Variants in DPP9 observed in about 807,000 individuals in gnomAD.
The protein encoded by DPP9 is dipeptidyl peptidase IV-related protein-2.
Under a neutral mutation model 110.7 loss-of-function variants are expected in DPP9, and 50 were observed. That is an observed-to-expected ratio of 0.45 (90% confidence interval 0.36 to 0.57). The LOEUF (loss-of-function observed/expected upper bound fraction) is 0.57. Among genes scored for constraint, DPP9 ranks in the 20% least tolerant of loss-of-function variants. The pLI, the probability that DPP9 is intolerant of heterozygous loss-of-function variation, is 0.00. For synonymous variants in DPP9, 561 were observed against 514.4 expected (o/e 1.09, Z -1.23); for missense variants, 1,022 against 1,217.9 (o/e 0.84, Z 2.39).
intron 8 of DPP9, 107 bp from the exon 9 acceptor site, chr19:4,702,262 G>T: frequency 7.0e-7 from 1 of 1,420,758 alleles, no homozygotes; most frequent in Non-Finnish European, 9.4e-7. Flanking sequence ...GGCACCGAGG[G>T]CTCTGAAACC....
intron 21 of DPP9, among the ~76,000 whole-genome samples, chr19:4,679,041 A>G (rs1441276900): frequency 1.6e-5 from 2 of 127,366 alleles, no homozygotes; most frequent in East Asian, 2.3e-4. Flanking sequence ...ACCCCTCTAT[A>G]GCAGAAGCTC....
Position 4,689,957 on chromosome 19 carries a change from C to T in DPP9, c.1597-235G>A, listed in dbSNP as rs1360634300. ...GGGAACTGCGTGTCCTCAGGCGGGA[C>T]CTGGGGCCTGCATTCCACCCCCAGA... On this transcript the variant is annotated intron_variant, in intron 14 of 21. Transcript: ENST00000262960. This position sits in a 1 kb window ranked among gnomAD's most constrained non-coding sequence, Gnocchi z 7.0. Among the ~76,000 whole-genome samples the T allele has an allele frequency of 5.3e-5, 8 of 152,212 alleles. No individual in the cohort carries two copies. The highest frequency in any genetic ancestry group is 1.2e-4 in the Non-Finnish European group (8 of 68,030).
At position 4,695,702 on chromosome 19, in the gene DPP9, C is replaced by G; in HGVS notation, c.1176-147G>C. On this transcript the variant is annotated intron_variant, in intron 11 of 21. Coordinates refer to ENST00000262960, the MANE Select transcript of DPP9 (RefSeq NM_139159.5). This position sits in a 1 kb window ranked among gnomAD's most constrained non-coding sequence, Gnocchi z 4.7. ...CTTCACCTGCACTTGGCCAAGTAACCCTGCAGCACCCACAGGCTTCCTTCC... is the reference window on the plus strand; with the variant it reads ...CTTCACCTGCACTTGGCCAAGTAACGCTGCAGCACCCACAGGCTTCCTTCC... The G allele has an allele frequency of 1.7e-6, 1 of 575,810 alleles. No individual in the cohort carries two copies. Among genetic ancestry groups the G allele is most frequent in the Middle Eastern group, 4.8e-4 (1 of 2,094 alleles). 35.7% of individuals were successfully genotyped at this position (575,810 alleles called of 1,614,324 possible).
intron 9 of DPP9, among the ~76,000 whole-genome samples, chr19:4,701,540 A>G (rs2092258497): frequency 6.6e-6 from 1 of 152,244 alleles, no homozygotes; most frequent in Non-Finnish European, 1.5e-5. Flanking sequence ...CTGTTTTTGT[A>G]TGGCTGAAAA....
chr19:4,700,077 G>A lies in DPP9; in HGVS notation c.1074+139C>T, dbSNP rs540768850. 222 of 561,786 alleles carry A rather than the reference G, an allele frequency of 4.0e-4. 4 individuals are homozygous for A. The South Asian group carries it at 6.3e-3, about 16-fold the overall frequency. 34.8% of individuals were successfully genotyped at this position (561,786 alleles called of 1,614,324 possible). ...GACACACAGGGAAGGCCTGTGGCTA[G>A]GCGGACCGGGCGGCAGGGCTGGGGC... On this transcript the variant is annotated intron_variant, in intron 10 of 21. Coordinates refer to ENST00000262960, the MANE Select transcript of DPP9 (RefSeq NM_139159.5). The surrounding 1 kb of genome is among the most constrained non-coding windows in gnomAD (Gnocchi z 4.3).
chr19:4,696,670 A>T (rs1415697722), intron 11 of DPP9, among the ~76,000 whole-genome samples: 1 of 151,474 alleles, frequency 6.6e-6, no homozygotes, highest in African/African-American at 2.4e-5. Flanking sequence ...AATTGCTTGA[A>T]CCTGGGAGTC....
chr19:4,715,097 G>A (rs552533294), intron 3 of DPP9, among the ~76,000 whole-genome samples: 93 of 122,348 alleles, frequency 7.6e-4, no homozygotes, highest in African/African-American at 2.9e-3. Context: ...TCAGATCACT[G>A]CAGCCTCTGC....
intron 2 of DPP9, among the ~76,000 whole-genome samples, chr19:4,721,855 C>T (rs1410866321): frequency 1.3e-5 from 2 of 152,250 alleles, no homozygotes; most frequent in Non-Finnish European, 2.9e-5. Flanking sequence ...AAAGTCACCA[C>T]GAAAAATCAC....
Position 4,688,760 on chromosome 19 carries a change from C to G in DPP9, c.1882G>C (p.Ala628Pro). 6.9e-7 allele frequency: 1 copy of G among 1,443,404 alleles called. No homozygotes were observed. 89.4% of individuals were successfully genotyped at this position (1,443,404 alleles called of 1,614,324 possible). A position where few individuals can be genotyped will look rare whatever the true frequency, so the allele number is the denominator to read the frequency against. Residue 628 changes from alanine to proline, a missense_variant, in exon 16 of 22, where the codon GCC becomes CCC. Around this residue, in one of 3 missense-constraint regions of DPP9, gnomAD observed 810 missense variants for 920.6 expected, o/e 0.88. Transcript: ENST00000262960. Reference protein sequence around the residue: ...PRFWASMMEAASCPPDYVPPE... With the variant: ...PRFWASMMEAPSCPPDYVPPE... ...GGGCGGGGCAGGGGCTACTCACTGG[C>G]TGCCTCCATCATGCTAGCCCAGAAG...
In DPP9 at chr19:4,689,774, A is replaced by G; in HGVS notation, c.1597-52T>C. The G allele has an allele frequency of 6.6e-7, 1 of 1,509,248 alleles. No individual in the cohort carries two copies. The highest frequency in any genetic ancestry group is 8.9e-7 in the Non-Finnish European group (1 of 1,121,514). The allele number at this position is 1,509,248 out of a possible 1,614,324, so 93.5% of individuals were successfully genotyped here. A position where few individuals can be genotyped will look rare whatever the true frequency, so the allele number is the denominator to read the frequency against. ...ATGCGTCCCAGATGCCCCTGGGCCCACACCCCTCTCCACGCCCCACAGGAG... is the reference window on the plus strand; with the variant it reads ...ATGCGTCCCAGATGCCCCTGGGCCCGCACCCCTCTCCACGCCCCACAGGAG... On this transcript the variant is annotated intron_variant, in intron 14 of 21. Transcript: ENST00000262960. The surrounding 1 kb of genome is among the most constrained non-coding windows in gnomAD (Gnocchi z 7.0).
chr19:4,688,970 G>A, intron 15 of DPP9, 78 bp from the exon 16 acceptor site: 2 of 1,456,170 alleles, frequency 1.4e-6, no homozygotes, highest in South Asian at 1.4e-5. Context: ...CAGATCCAGG[G>A]TAGCTTCCCT....
chr19:4,701,990 T>C, intron 9 of DPP9, 37 bp downstream of exon 9: 1 of 1,600,992 alleles, frequency 6.2e-7, no homozygotes, highest in South Asian at 1.1e-5. Context: ...GGGCCTCAGA[T>C]CCCCGGCCCA....
chr19:4,711,726 T>C (rs765369241), intron 4 of DPP9, among the ~76,000 whole-genome samples: 1 of 137,202 alleles, frequency 7.3e-6, no homozygotes, highest in Non-Finnish European at 1.5e-5. Context: ...TGAGCCAAGA[T>C]TGCGCCATTG....
chr19:4,700,502 C>T lies in DPP9; in HGVS notation c.1013-225G>A, dbSNP rs763254050. On this transcript the variant is annotated intron_variant, in intron 9 of 21. Coordinates refer to ENST00000262960, the MANE Select transcript of DPP9 (RefSeq NM_139159.5). This position sits in a 1 kb window ranked among gnomAD's most constrained non-coding sequence, Gnocchi z 4.3. ...GGACCTTCTGACTTTGGGCCTGGATCGCATTCCCAACAGTGATGTGGCATC... is the reference window on the plus strand; with the variant it reads ...GGACCTTCTGACTTTGGGCCTGGATTGCATTCCCAACAGTGATGTGGCATC... Among the ~76,000 whole-genome samples the T allele has an allele frequency of 1.1e-4, 17 of 152,196 alleles. No individual in the cohort carries two copies. Among genetic ancestry groups the T allele is most frequent in the Admixed American group, 5.9e-4 (9 of 15,284 alleles).
Position 4,684,470 on chromosome 19 carries a change from G to A in DPP9, c.2178+193C>T. ...CTTGTCTCTGTCCCTGCAGGGCGCA[G>A]CCCAGAGCTGAGCAGCAAAGCATAC... On this transcript the variant is annotated intron_variant, in intron 18 of 21. Transcript: ENST00000262960. This position sits in a 1 kb window ranked among gnomAD's most constrained non-coding sequence, Gnocchi z 4.8. 1.5e-6 allele frequency: 1 copy of A among 649,260 alleles called. No individual in the cohort carries two copies. 40.2% of individuals were successfully genotyped at this position (649,260 alleles called of 1,614,324 possible).
At position 4,679,901 on chromosome 19, in the gene DPP9, C is replaced by T. The variant is rs530982615; in HGVS notation, c.2520G>A (p.Val840=). The T allele has an allele frequency of 5.6e-6, 9 of 1,613,478 alleles. No homozygotes were observed. The Admixed American group carries it at 1.3e-4, about 24-fold the overall frequency. Residue 840 remains valine (V), a synonymous_variant, in exon 21 of 22, where the codon GTG becomes GTA. Transcript: ENST00000262960. The part of the protein sequence containing the change: ...LILHGFLDEN[V]HFFHTNFLVS... ...CGAGGAAGTTTGTGTGGAAAAAGTG[C>T]ACGTTTTCGTCCAGGAAGCCGTGGA...
chr19:4,689,439 G>C lies in DPP9; in HGVS notation c.1749+131C>G. ...CAGGAGGCAGGGGTGGGCACTGCCTGCCCCAAGGCAGCTATGAGAATGCGA... is the reference window on the plus strand; with the variant it reads ...CAGGAGGCAGGGGTGGGCACTGCCTCCCCCAAGGCAGCTATGAGAATGCGA... On this transcript the variant is annotated intron_variant, in intron 15 of 21. Transcript: ENST00000262960. This position sits in a 1 kb window ranked among gnomAD's most constrained non-coding sequence, Gnocchi z 7.0. The C allele has an allele frequency of 1.6e-6, 2 of 1,242,134 alleles. No individual in the cohort carries two copies. Among genetic ancestry groups the C allele is most frequent in the Non-Finnish European group, 1.1e-6 (1 of 912,550 alleles). The allele number at this position is 1,242,134 out of a possible 1,614,324, so 76.9% of individuals were successfully genotyped here.
chr19:4,680,995 T>C (rs1260119742), intron 20 of DPP9, among the ~76,000 whole-genome samples: 1 of 152,178 alleles, frequency 6.6e-6, no homozygotes. Flanking sequence ...TGCTGCTGTC[T>C]GTGGTCTGGA....
At chr19:4,716,408 C>T (rs1419656814) in intron 3 of DPP9, among the ~76,000 whole-genome samples, 4 of 152,116 alleles carry the variant, frequency 2.6e-5, no homozygotes, top group Middle Eastern at 3.2e-3. Context: ...GAGGCCAAGG[C>T]AGGAGGATCA....
Sources: gnomAD v4.1 joint callset for allele counts (sites outside exome capture counted in the v4.1 genomes callset) on GRCh38, gnomAD v4.1.1 for gene constraint, gnomAD v4.1.1 regional missense constraint, Gnocchi (gnomAD v3.1) non-coding constraint, MANE v1.5 for transcripts, NCBI Gene and HGNC (gene_info 2026-07-23, HGNC 2026-07-21) for gene names.